Variants in PLIN5 observed in about 807,000 individuals in gnomAD.
PLIN5 encodes the protein perilipin-5.
A neutral mutation model predicts 32.8 loss-of-function variants in PLIN5; 34 were observed. That is an observed-to-expected ratio of 1.04 (90% CI 0.79 to 1.38). PLIN5 has a LOEUF of 1.38. Among genes scored for constraint, PLIN5 ranks in the 40% most tolerant of loss-of-function variants. PLIN5 has a pLI of 0.00. For missense variants in PLIN5, 712 were observed against 660.5 expected (o/e 1.08, Z -0.85); for synonymous variants, 309 against 292.9 (o/e 1.05, Z -0.56).
intron 4 of PLIN5, 29 bp from the exon 5 acceptor site, chr19:4,529,282 C>T: frequency 2.6e-6 from 4 of 1,561,310 alleles, no homozygotes; most frequent in Non-Finnish European, 3.5e-6. Context: ...CCACTCCAGG[C>T]ACCGTGGGAC....
Position 4,523,476 on chromosome 19 carries a change from G to C in PLIN5, c.*52C>G. ...TACGTGTGGCCACCAGGGGGCAGCA[G>C]GGATCGGGGTGTGCAGGTGGCCTTT... On this transcript the variant is annotated 3_prime_UTR_variant, in exon 8 of 8. Transcript: ENST00000381848. The surrounding 1 kb of genome is among the most constrained non-coding windows in gnomAD (Gnocchi z 5.0). The C allele has an allele frequency of 6.7e-7, 1 of 1,501,632 alleles. No individual in the cohort carries two copies. The highest frequency in any genetic ancestry group is 8.9e-7 in the Non-Finnish European group (1 of 1,122,964). The allele number at this position is 1,501,632 out of a possible 1,614,324, so 93.0% of individuals were successfully genotyped here.
intron 5 of PLIN5, among the ~76,000 whole-genome samples, chr19:4,526,778 A>C (rs1032645873): frequency 3.3e-5 from 5 of 151,760 alleles, no homozygotes; most frequent in African/African-American, 1.2e-4. Context: ...GGATCAATTG[A>C]GCTCAGGAAT....
intron 2 of PLIN5, among the ~76,000 whole-genome samples, chr19:4,532,139 A>T (rs1425241502): frequency 6.6e-6 from 1 of 151,612 alleles, no homozygotes; most frequent in African/African-American, 2.4e-5. Flanking sequence ...GATTCAAACG[A>T]TTCTCCTGCC....
chr19:4,531,429 C>T (rs1976882970), intron 3 of PLIN5, among the ~76,000 whole-genome samples, 198 bp downstream of exon 3: 1 of 152,158 alleles, frequency 6.6e-6, no homozygotes, highest in Non-Finnish European at 1.5e-5. Flanking sequence ...AGGCATGAGC[C>T]ACCATGCCTG....
At chr19:4,532,138 G>A (rs915122445) in intron 2 of PLIN5, among the ~76,000 whole-genome samples, 2 of 151,872 alleles carry the variant, frequency 1.3e-5, no homozygotes, top group African/African-American at 4.8e-5. Flanking sequence ...GGATTCAAAC[G>A]ATTCTCCTGC....
Position 4,523,708 on chromosome 19 carries a change from G to A in PLIN5, c.1212C>T (p.Asp404=), listed in dbSNP as rs767402731. 20 of 1,604,386 alleles carry A rather than the reference G, an allele frequency of 1.2e-5. No homozygotes were observed. In the African/African-American group the frequency reaches 2.7e-4, roughly 21 times the overall value. ...GCCAGTCCAGGTGCGCCCAGCGGGG[G>A]TCAGGGCCCCCGATGACCTCGTCCA... ...DLVDEVIGGP[D]PRWAHLDWPA... The change falls in exon 8 of 8, where the codon GAC becomes GAT. Residue 404 remains aspartate, a synonymous_variant. Coordinates refer to ENST00000381848, the MANE Select transcript of PLIN5 (RefSeq NM_001013706.3). The surrounding 1 kb of genome is among the most constrained non-coding windows in gnomAD (Gnocchi z 5.0).
In PLIN5 at chr19:4,525,215, C is replaced by G; in HGVS notation, c.721-139G>C. 1 of 585,990 alleles carries G rather than the reference C, an allele frequency of 1.7e-6. No individual in the cohort carries two copies. The highest frequency in any genetic ancestry group is 3.1e-5 in the East Asian group (1 of 32,016). The allele number at this position is 585,990 out of a possible 1,614,324, so 36.3% of individuals were successfully genotyped here. ...AGGTTGTGCAGGGCCGTGGGGAAGA[C>G]TTGGGCTTGGACCCCAAGGGAGGTG... is the stretch of plus-strand genomic sequence containing the variant. On this transcript the variant is annotated intron_variant, in intron 6 of 7. Transcript: ENST00000381848. The surrounding 1 kb of genome is among the most constrained non-coding windows in gnomAD (Gnocchi z 5.6).
chr19:4,527,621 T>TGG (rs1196793489), intron 5 of PLIN5, among the ~76,000 whole-genome samples: 2 of 143,156 alleles, frequency 1.4e-5, no homozygotes, highest in African/African-American at 5.3e-5. Context: ...CTTTGGGAAG[T>TGG]CAAGGCAGGT....
Position 4,525,109 on chromosome 19 carries a change from G to C in PLIN5, c.721-33C>G, listed in dbSNP as rs767559614. 3 of 1,054,126 alleles carry C rather than the reference G, an allele frequency of 2.8e-6. No individual in the cohort carries two copies. In the South Asian group the frequency reaches 5.7e-5, roughly 20 times the overall value. The allele number at this position is 1,054,126 out of a possible 1,614,324, so 65.3% of individuals were successfully genotyped here. On this transcript the variant is annotated intron_variant, in intron 6 of 7. Transcript: ENST00000381848. The surrounding 1 kb of genome is among the most constrained non-coding windows in gnomAD (Gnocchi z 5.6). The stretch of plus-strand genomic sequence containing the variant: ...GACAGAAATGGTGGTCTTCAGAGCT[G>C]GGGGAGCTGGGGGAGCTGGGGGTCG...
At chr19:4,531,361 T>G (rs1370728541) in intron 3 of PLIN5, among the ~76,000 whole-genome samples, 1 of 152,076 alleles carries the variant, frequency 6.6e-6, no homozygotes, top group Non-Finnish European at 1.5e-5. Flanking sequence ...CTGGCTGGTC[T>G]TGAACTCCTG....
In PLIN5 at chr19:4,528,816, T is replaced by G. The variant is rs112130081; in HGVS notation, c.520+257A>C. On this transcript the variant is annotated intron_variant, in intron 5 of 7. Transcript: ENST00000381848. ...TATTTAAAACACGCTGCACAGGCAT[T>G]TGGGGGCCACCAGTTTGGGACCTCA... The G allele has an allele frequency of 8.4e-3, 3,330 of 395,016 alleles. 118 individuals carry two copies. Among genetic ancestry groups the G allele is most frequent in the African/African-American group, 0.062 (3,005 of 48,598 alleles). 24.5% of individuals were successfully genotyped at this position (395,016 alleles called of 1,614,324 possible).
rs969153893 is a variant in PLIN5, at chr19:4,522,897, A to G, written c.*631T>C. Reference sequence around the variant, plus strand: ...ACAGAAGGCATTGGGCAAAATGTGTATTTCTTCGGGAGGCTGTTACTATTA... The same window carrying G: ...ACAGAAGGCATTGGGCAAAATGTGTGTTTCTTCGGGAGGCTGTTACTATTA... On this transcript the variant is annotated 3_prime_UTR_variant, in exon 8 of 8. Coordinates refer to ENST00000381848, the MANE Select transcript of PLIN5 (RefSeq NM_001013706.3). 6.6e-6 allele frequency: 1 copy of G among 150,692 alleles called. No individual in the cohort carries two copies. Among genetic ancestry groups the G allele is most frequent in the East Asian group, 2.0e-4 (1 of 5,066 alleles). 9.3% of individuals were successfully genotyped at this position (150,692 alleles called of 1,614,324 possible). A position where few individuals can be genotyped will look rare whatever the true frequency, so the allele number is the denominator to read the frequency against.
chr19:4,531,950 G>A (rs1042040588), intron 2 of PLIN5, 128 bp from the exon 3 acceptor site: 5 of 902,126 alleles, frequency 5.5e-6, no homozygotes, highest in African/African-American at 3.4e-5. Flanking sequence ...TGAGCACCCC[G>A]CCACGTAGAG....
At chr19:4,531,553 C>G (rs1447398835) in intron 3 of PLIN5, 74 bp downstream of exon 3, 15 of 1,395,764 alleles carry the variant, frequency 1.1e-5, no homozygotes, top group Non-Finnish European at 1.4e-5. Context: ...GCAGATAGAC[C>G]AAGGAGGATG....
chr19:4,523,947 C>T lies in PLIN5; in HGVS notation c.973G>A (p.Ala325Thr). 6.5e-7 allele frequency: 1 copy of T among 1,529,984 alleles called. No individual in the cohort carries two copies. The highest frequency in any genetic ancestry group is 1.2e-5 in the South Asian group (1 of 82,992). The allele number at this position is 1,529,984 out of a possible 1,614,324, so 94.8% of individuals were successfully genotyped here. Residue 325 changes from alanine (A) to threonine (T), a missense_variant, in exon 8 of 8, where the codon GCC (alanine) becomes ACC (threonine). Physicochemically the swap from Ala to Thr is moderately conservative, Grantham distance 58 (BLOSUM62 0). Coordinates refer to ENST00000381848, the MANE Select transcript of PLIN5 (RefSeq NM_001013706.3). The surrounding 1 kb of genome is among the most constrained non-coding windows in gnomAD (Gnocchi z 5.0). ...GCATCAGCGAAGGCGGTCTGCAGGG[C>T]ATCCACACTGCGCCGCACCTCAGCC... ...KVAEVRRSVD[A>T]LQTAFADARC...
rs563197598 is a variant in PLIN5 at position 4,534,203 on chromosome 19, T to C, written c.-21-108A>G. 1.7e-5 allele frequency: 15 copies of C among 874,086 alleles called. 1 individual carries two copies. In the African/African-American group the frequency reaches 2.0e-4, roughly 12 times the overall value. 54.1% of individuals were successfully genotyped at this position (874,086 alleles called of 1,614,324 possible). Reference sequence around the variant, plus strand: ...CAAACCTCTTGGGGCCTCAGTTTCTTCATCTGCATAATGGGGCATTCTGTG... The same window carrying C: ...CAAACCTCTTGGGGCCTCAGTTTCTCCATCTGCATAATGGGGCATTCTGTG... On this transcript the variant is annotated intron_variant, in intron 1 of 7. Coordinates refer to ENST00000381848, the MANE Select transcript of PLIN5 (RefSeq NM_001013706.3).
intron 2 of PLIN5, chr19:4,532,568 C>G (rs1057072220): frequency 6.6e-6 from 1 of 152,118 alleles, no homozygotes; most frequent in African/African-American, 2.4e-5. Flanking sequence ...AGGCTGGTGT[C>G]GAACTCCCGA....
In PLIN5 at chr19:4,531,684, G is replaced by C; in HGVS notation, c.199C>G (p.Leu67Val). The change falls in exon 3 of 8, where the codon CTG (leucine) becomes GTG (valine). Residue 67 changes from leucine to valine, a missense_variant. Physicochemically the swap from Leu to Val is conservative, Grantham distance 32. Coordinates refer to ENST00000381848, the MANE Select transcript of PLIN5 (RefSeq NM_001013706.3). ...CRLAENCVCG[L>V]TTRALDHAQP... ...GCGTGGTCCAGGGCACGGGTGGTCAGGCCGCACACGCAGTTCTCAGCCAGG... is the reference window on the plus strand; with the variant it reads ...GCGTGGTCCAGGGCACGGGTGGTCACGCCGCACACGCAGTTCTCAGCCAGG... 6.4e-7 allele frequency: 1 copy of C among 1,552,000 alleles called. No homozygotes were observed. Among genetic ancestry groups the C allele is most frequent in the Non-Finnish European group, 8.7e-7 (1 of 1,152,614 alleles).
Position 4,529,784 on chromosome 19 carries a change from C to A in PLIN5, c.339G>T (p.Thr113=). 1 of 1,611,698 alleles carries A rather than the reference C, an allele frequency of 6.2e-7. No homozygotes were observed. The highest frequency in any genetic ancestry group is 8.5e-7 in the Non-Finnish European group (1 of 1,178,344). The change falls in exon 4 of 8, where the codon ACG becomes ACT. Residue 113 remains threonine, a splice_region_variant and synonymous_variant. Transcript: ENST00000381848. ...CCCCATGTCTAGTCGTCCGGGGTACCGTCTCCGAAGGTTGCTGGAGAAAGG... is the reference window on the plus strand; with the variant it reads ...CCCCATGTCTAGTCGTCCGGGGTACAGTCTCCGAAGGTTGCTGGAGAAAGG... ...KLPFLQQPSE[T]VVTSAKDVVA...
Sources: allele counts gnomAD v4.1 joint callset (sites outside exome capture counted in the v4.1 genomes callset), GRCh38; gene constraint gnomAD v4.1.1; non-coding constraint Gnocchi (gnomAD v3.1); transcripts MANE v1.5; gene names NCBI Gene and HGNC (gene_info 2026-07-23, HGNC 2026-07-21).